WNT3A: variants seen among roughly 807,000 people sequenced by gnomAD.
WNT3A encodes the protein Wnt family member 3A, also known as protein Wnt-3a.
In WNT3A, 17 loss-of-function variants were observed where a neutral mutation model predicts 37.0. That is an observed-to-expected ratio of 0.46 (90% CI 0.31 to 0.69). WNT3A has a LOEUF of 0.69. WNT3A is among the 30% of genes least tolerant of loss of function. WNT3A has a pLI of 0.05. For synonymous variants in WNT3A, 187 were observed against 211.0 expected (o/e 0.89, Z 0.99); for missense variants, 411 against 510.2 (o/e 0.81, Z 1.87).
intron 3 of WNT3A, among the ~76,000 whole-genome samples, chr1:228,051,141 A>G (rs1444491378): frequency 1.3e-5 from 2 of 152,180 alleles, no homozygotes; most frequent in East Asian, 3.9e-4. Context: ...GGACTGGGGT[A>G]GCCAAGAAGG....
In WNT3A at chr1:228,052,573, C is replaced by T. The variant is rs187658462; in HGVS notation, c.579+1652C>T. On this transcript the variant is annotated intron_variant, in intron 3 of 3. Transcript: ENST00000284523. Reference sequence around the variant, plus strand: ...AGGAAAGATGGCTGATGGGCAGTGACGGGCGTAAGGACCAAGTGGCGTCCA... The same window carrying T: ...AGGAAAGATGGCTGATGGGCAGTGATGGGCGTAAGGACCAAGTGGCGTCCA... Among the ~76,000 whole-genome samples, 522 of 152,276 alleles carry T rather than the reference C, an allele frequency of 3.4e-3. 2 individuals carry two copies. Among genetic ancestry groups the T allele is most frequent in the Middle Eastern group, 6.8e-3 (2 of 294 alleles).
intron 2 of WNT3A, among the ~76,000 whole-genome samples, chr1:228,032,613 G>C (rs2031037368): frequency 6.6e-6 from 1 of 152,236 alleles, no homozygotes; most frequent in African/African-American, 2.4e-5. Context: ...ATAGGCATTT[G>C]GGTTTTTTCA....
intron 1 of WNT3A, among the ~76,000 whole-genome samples, chr1:228,011,377 C>T (rs1481814161): frequency 6.6e-6 from 1 of 152,134 alleles, no homozygotes; most frequent in Non-Finnish European, 1.5e-5. Flanking sequence ...TGCCACTGGC[C>T]CACTCCCTCT....
chr1:228,040,272 G>T (rs2031246903), intron 2 of WNT3A, among the ~76,000 whole-genome samples: 1 of 152,220 alleles, frequency 6.6e-6, no homozygotes, highest in Non-Finnish European at 1.5e-5. Context: ...CCATCTTCCT[G>T]TTGGGGCCAC....
chr1:228,008,894 A>T lies in WNT3A; in HGVS notation c.71+1695A>T, dbSNP rs370807622. ...TCATATGCATGTATACCTCCTTTTCACCTGGGCCCCCTGTGTTCTACCCTG... is the reference window on the plus strand; with the variant it reads ...TCATATGCATGTATACCTCCTTTTCTCCTGGGCCCCCTGTGTTCTACCCTG... On this transcript the variant is annotated intron_variant, in intron 1 of 3. Transcript: ENST00000284523. The surrounding 1 kb of genome is among the most constrained non-coding windows in gnomAD (Gnocchi z 4.9). Among the ~76,000 whole-genome samples the T allele has an allele frequency of 5.3e-5, 8 of 151,298 alleles. No homozygotes were observed. The highest frequency in any genetic ancestry group is 1.7e-4 in the African/African-American group (7 of 41,072).
chr1:228,057,007 A>T (rs955565045), intron 3 of WNT3A, among the ~76,000 whole-genome samples: 1 of 151,726 alleles, frequency 6.6e-6, no homozygotes, highest in African/African-American at 2.4e-5. Context: ...CTTTTCTGGG[A>T]AAAAAAAATC....
chr1:228,009,303 C>T (rs1487975376), intron 1 of WNT3A, among the ~76,000 whole-genome samples: 1 of 152,158 alleles, frequency 6.6e-6, no homozygotes, highest in African/African-American at 2.4e-5. Context: ...ATGAGCAGCA[C>T]CCCGGCAGCA....
At chr1:228,040,659 G>A (rs183411711) in intron 2 of WNT3A, among the ~76,000 whole-genome samples, 6 of 152,096 alleles carry the variant, frequency 3.9e-5, no homozygotes, top group South Asian at 2.1e-4. Context: ...CGAGATGGGC[G>A]GATCACGAGG....
At chr1:228,013,951 G>A (rs2030451161) in intron 1 of WNT3A, among the ~76,000 whole-genome samples, 2 of 152,224 alleles carry the variant, frequency 1.3e-5, no homozygotes. Flanking sequence ...ACCTGCCCAA[G>A]CAGGACCCTC....
In WNT3A at chr1:228,035,579, C is replaced by T. The variant is rs140671320; in HGVS notation, c.313+12671C>T. On this transcript the variant is annotated intron_variant, in intron 2 of 3. Coordinates refer to ENST00000284523, the MANE Select transcript of WNT3A (RefSeq NM_033131.4). ...CCCGGTCCCCATGTGTGCATCCCTCCGGGCAGGGCGGGGATGGATCTGAGC... is the reference window on the plus strand; with the variant it reads ...CCCGGTCCCCATGTGTGCATCCCTCTGGGCAGGGCGGGGATGGATCTGAGC... Among the ~76,000 whole-genome samples, 630 of 152,306 alleles carry T rather than the reference C, an allele frequency of 4.1e-3. 3 individuals carry two copies. The highest frequency in any genetic ancestry group is 7.1e-3 in the Non-Finnish European group (486 of 68,018).
At chr1:228,051,006 C>T (rs1022341305) in intron 3 of WNT3A, 85 bp downstream of exon 3, 45 of 1,425,476 alleles carry the variant, frequency 3.2e-5, no homozygotes, top group African/African-American at 2.3e-4. Context: ...GCATATGGCC[C>T]GGTGAGGCAG....
intron 3 of WNT3A, among the ~76,000 whole-genome samples, chr1:228,054,279 G>C (rs2031620004): frequency 6.6e-6 from 1 of 152,184 alleles, no homozygotes; most frequent in South Asian, 2.1e-4. Flanking sequence ...CTTTGGAGAA[G>C]GATGATATCC....
At chr1:228,036,395 G>T (rs1321554636) in intron 2 of WNT3A, among the ~76,000 whole-genome samples, 1 of 151,280 alleles carries the variant, frequency 6.6e-6, no homozygotes, top group Non-Finnish European at 1.5e-5. Context: ...GTGTGTGTGT[G>T]CATGAGTGTG....
At chr1:228,058,737 C>T (rs972980925) in intron 3 of WNT3A, among the ~76,000 whole-genome samples, 1 of 152,246 alleles carries the variant, frequency 6.6e-6, no homozygotes, top group Non-Finnish European at 1.5e-5. Flanking sequence ...TGTAGAAGTA[C>T]TCAGCTAGGA....
chr1:228,037,851 G>C lies in WNT3A; in HGVS notation c.314-12805G>C, dbSNP rs1024864163. The stretch of plus-strand genomic sequence containing the variant: ...CGCGGGCGGTTCACACGCCCTTCGC[G>C]GTGCTGAATTAAAGCGTCTGAATGG... On this transcript the variant is annotated intron_variant, in intron 2 of 3. Transcript: ENST00000284523. The surrounding 1 kb of genome is among the most constrained non-coding windows in gnomAD (Gnocchi z 4.1). Among the ~76,000 whole-genome samples, 3 of 152,234 alleles carry C rather than the reference G, an allele frequency of 2.0e-5. No individual in the cohort carries two copies. The highest frequency in any genetic ancestry group is 2.0e-4 in the Admixed American group (3 of 15,290).
At position 228,050,926 on chromosome 1, in the gene WNT3A, G is replaced by T; in HGVS notation, c.579+5G>T. 1.3e-6 allele frequency: 2 copies of T among 1,529,858 alleles called. No homozygotes were observed. The highest frequency in any genetic ancestry group is 1.8e-6 in the Non-Finnish European group (2 of 1,138,320). 94.8% of individuals were successfully genotyped at this position (1,529,858 alleles called of 1,614,324 possible). A position where few individuals can be genotyped will look rare whatever the true frequency, so the allele number is the denominator to read the frequency against. On this transcript the variant is annotated splice_donor_5th_base_variant and intron_variant, in intron 3 of 3. Transcript: ENST00000284523. This position sits in a 1 kb window ranked among gnomAD's most constrained non-coding sequence, Gnocchi z 5.0. The stretch of plus-strand genomic sequence containing the variant: ...AACAACGAGGCTGGGCGCCAGGTAG[G>T]TTCGCCGCCCGCAAGGGTGCTTGGG...
chr1:228,059,575 G>T lies in WNT3A; in HGVS notation c.*110G>T. The T allele has an allele frequency of 1.4e-6, 2 of 1,396,386 alleles. No homozygotes were observed. Among genetic ancestry groups the T allele is most frequent in the South Asian group, 3.2e-5 (2 of 62,126 alleles). The allele number at this position is 1,396,386 out of a possible 1,614,324, so 86.5% of individuals were successfully genotyped here. Reference sequence around the variant, plus strand: ...CGGGGCAGTACTCCTCCCTGGGGGCGGGACTCCTCCCTGGGGGTGGGGCTC... The same window carrying T: ...CGGGGCAGTACTCCTCCCTGGGGGCTGGACTCCTCCCTGGGGGTGGGGCTC... On this transcript the variant is annotated 3_prime_UTR_variant, in exon 4 of 4. Coordinates refer to ENST00000284523, the MANE Select transcript of WNT3A (RefSeq NM_033131.4).
In WNT3A at chr1:228,037,542, AG is replaced by A. The variant is rs2031173869; in HGVS notation, c.314-13110del. Among the ~76,000 whole-genome samples the A allele has an allele frequency of 6.6e-6, 1 of 151,520 alleles. No individual in the cohort carries two copies. The highest frequency in any genetic ancestry group is 2.4e-5 in the African/African-American group (1 of 41,230). On this transcript the variant is annotated intron_variant, in intron 2 of 3. Coordinates refer to ENST00000284523, the MANE Select transcript of WNT3A (RefSeq NM_033131.4). This position sits in a 1 kb window ranked among gnomAD's most constrained non-coding sequence, Gnocchi z 4.1. ...GTCCCCTGCCTATGAGGGCCGGCAC[AG>A]GGGTGGGGCCTGCCTGCTAGGACAT...
At chr1:228,028,053 T>G (rs1052600224) in intron 2 of WNT3A, among the ~76,000 whole-genome samples, 4 of 152,200 alleles carry the variant, frequency 2.6e-5, no homozygotes, top group Non-Finnish European at 5.9e-5. Flanking sequence ...ATTTATGTTT[T>G]TGTTTTCTTT....
Sources: allele counts gnomAD v4.1 joint callset (sites outside exome capture counted in the v4.1 genomes callset), GRCh38; gene constraint gnomAD v4.1.1; non-coding constraint Gnocchi (gnomAD v3.1); transcripts MANE v1.5; gene names NCBI Gene and HGNC (gene_info 2026-07-23, HGNC 2026-07-21).